The following MEAF6 variants were observed in gnomAD, a reference collection of about 807,000 sequenced individuals.
The protein encoded by MEAF6 is MYST/Esa1 associated factor 6.
In MEAF6, 15 loss-of-function variants were observed where a neutral mutation model predicts 28.9. The observed-to-expected ratio is 0.52, with a 90% CI of 0.35 to 0.80. MEAF6 has a LOEUF of 0.80. Ranked by LOEUF, MEAF6 falls within the 30% of genes least tolerant of loss-of-function variation. The pLI is 0.01. For missense variants in MEAF6, 178 were observed against 237.5 expected, an observed-to-expected ratio of 0.75 and a Z score of 1.65; for synonymous variants, 97 against 88.7, an observed-to-expected ratio of 1.09 and a Z score of -0.53.
At chr1:37,499,011 C>A (rs1038726912) in intron 5 of MEAF6, among the ~76,000 whole-genome samples, 1 of 151,958 alleles carries the variant, frequency 6.6e-6, no homozygotes, top group Non-Finnish European at 1.5e-5. Flanking sequence ...ACTAGCTAGG[C>A]ATGGTGGCAC....
rs1642117619 is a variant in MEAF6 at position 37,495,882 on chromosome 1, T to C, written c.567+3A>G. On this transcript the variant is annotated splice_donor_region_variant and intron_variant, in intron 6 of 6. Coordinates refer to ENST00000296214, the MANE Select transcript of MEAF6 (RefSeq NM_001270875.3). ...TCTCTGAAGTGGTCCGGCTGATACT[T>C]ACAGCTCGTGGTTTTTTGTTTAACT... 6.2e-7 allele frequency: 1 copy of C among 1,614,028 alleles called. No individual in the cohort carries two copies. The highest frequency in any genetic ancestry group is 8.5e-7 in the Non-Finnish European group (1 of 1,179,936).
Position 37,511,504 on chromosome 1 carries a change from A to C in MEAF6, c.206+1919T>G, listed in dbSNP as rs575586444. 2.0e-5 allele frequency among the ~76,000 whole-genome samples: 3 copies of C among 152,364 alleles called. No homozygotes were observed. The South Asian group carries it at 6.2e-4, about 32-fold the overall frequency. ...GTATATTCATAATGTCTCAAAGCATAACATCCAAAATTACTTGTTAATCAC... is the reference window on the plus strand; with the variant it reads ...GTATATTCATAATGTCTCAAAGCATCACATCCAAAATTACTTGTTAATCAC... On this transcript the variant is annotated intron_variant, in intron 2 of 6. Coordinates refer to ENST00000296214, the MANE Select transcript of MEAF6 (RefSeq NM_001270875.3).
chr1:37,494,900 T>G (rs1387020033), intron 6 of MEAF6, among the ~76,000 whole-genome samples: 13 of 151,922 alleles, frequency 8.6e-5, no homozygotes, highest in Admixed American at 3.9e-4. Context: ...CATCTGAAAA[T>G]GGTCTGCCTT....
intron 6 of MEAF6, 140 bp from the exon 7 acceptor site, chr1:37,494,247 G>A (rs1642037470): frequency 8.1e-6 from 6 of 743,904 alleles, no homozygotes; most frequent in Non-Finnish European, 1.4e-5. Context: ...CAGGCACAGT[G>A]GCTCACACCT....
chr1:37,513,711 T>TA (rs1642740104), intron 1 of MEAF6, 173 bp from the exon 2 acceptor site: 6 of 619,412 alleles, frequency 9.7e-6, no homozygotes, highest in South Asian at 9.5e-5. Flanking sequence ...TAAGACAGTC[T>TA]AGACCTTTGG....
Position 37,514,750 on chromosome 1 carries a change from G to A in MEAF6, c.-4C>T. On this transcript the variant is annotated 5_prime_UTR_variant, in exon 1 of 7. Coordinates refer to ENST00000296214, the MANE Select transcript of MEAF6 (RefSeq NM_001270875.3). ...CCGCCTTGTTGTGCATCGCCATGTT[G>A]GGCTGAGGCGGGCGGCGGCGGCGCG... 3 of 1,471,540 alleles carry A rather than the reference G, an allele frequency of 2.0e-6. No homozygotes were observed. Among genetic ancestry groups the A allele is most frequent in the Non-Finnish European group, 2.7e-6 (3 of 1,112,938 alleles). The allele number at this position is 1,471,540 out of a possible 1,614,324, so 91.2% of individuals were successfully genotyped here.
intron 6 of MEAF6, 63 bp downstream of exon 6, chr1:37,495,822 A>G (rs537079193): frequency 6.5e-7 from 1 of 1,532,924 alleles, no homozygotes; most frequent in East Asian, 2.2e-5. Context: ...CTGAAGACAA[A>G]TACATTTTTC....
rs753488206 is a variant in MEAF6, at chr1:37,514,763, C to A, written c.-17G>T. The A allele has an allele frequency of 7.3e-7, 1 of 1,362,836 alleles. No individual in the cohort carries two copies. The highest frequency in any genetic ancestry group is 9.5e-7 in the Non-Finnish European group (1 of 1,048,068). 84.4% of individuals were successfully genotyped at this position (1,362,836 alleles called of 1,614,324 possible). ...CATCGCCATGTTGGGCTGAGGCGGG[C>A]GGCGGCGGCGCGAGGTTGGGGGCGG... On this transcript the variant is annotated 5_prime_UTR_variant, in exon 1 of 7. Coordinates refer to ENST00000296214, the MANE Select transcript of MEAF6 (RefSeq NM_001270875.3).
At chr1:37,502,990 T>G (rs1332213938) in intron 4 of MEAF6, among the ~76,000 whole-genome samples, 1 of 152,140 alleles carries the variant, frequency 6.6e-6, no homozygotes, top group East Asian at 1.9e-4. Flanking sequence ...TAGAGTGCAC[T>G]GGTGTGAACT....
At chr1:37,504,795 T>TTA (rs1307636588) in intron 4 of MEAF6, among the ~76,000 whole-genome samples, 14 of 102,128 alleles carry the variant, frequency 1.4e-4, no homozygotes, top group East Asian at 9.7e-4. Flanking sequence ...AAAAAAAAAT[T>TTA]TATATACACA....
At chr1:37,494,640 G>A (rs1171956349) in intron 6 of MEAF6, among the ~76,000 whole-genome samples, 1 of 151,978 alleles carries the variant, frequency 6.6e-6, no homozygotes, top group African/African-American at 2.4e-5. Flanking sequence ...AGACCAGCCT[G>A]GGTAACAAAT....
chr1:37,513,675 T>TA (rs1642738492), intron 1 of MEAF6, 137 bp from the exon 2 acceptor site: 2 of 706,046 alleles, frequency 2.8e-6, no homozygotes, highest in Admixed American at 4.3e-5. Flanking sequence ...AGATGGAAGA[T>TA]ACGGGGAGGA....
chr1:37,501,959 T>C lies in MEAF6; in HGVS notation c.378A>G (p.Pro126=). 6.2e-7 allele frequency: 1 copy of C among 1,608,828 alleles called. No individual in the cohort carries two copies. The stretch of plus-strand genomic sequence containing the variant: ...GCTCATTTTCCTGATTGTGGAAGTC[T>C]GGAGAAGTGTCACTTTCCGTCCCAC... ...PGSGTESDTS[P]DFHNQENEPS... Residue 126 remains proline (P), a synonymous_variant, in exon 5 of 7, where the codon CCA becomes CCG. Coordinates refer to ENST00000296214, the MANE Select transcript of MEAF6 (RefSeq NM_001270875.3).
Position 37,491,918 on chromosome 1 carries a change from T to TC in MEAF6, c.*2180_*2181insG, listed in dbSNP as rs1422071586. On this transcript the variant is annotated 3_prime_UTR_variant, in exon 7 of 7. Transcript: ENST00000296214. ...TTTAAGAGCAGTACTATTCTTTCTT[T>TC]TTTTTTTTTTTTTTGACAGAGTCTC... Among the ~76,000 whole-genome samples the TC allele has an allele frequency of 2.0e-5, 3 of 148,384 alleles. No homozygotes were observed. Among genetic ancestry groups the TC allele is most frequent in the Admixed American group, 6.7e-5 (1 of 14,930 alleles).
chr1:37,514,760 GGGC>G lies in MEAF6; in HGVS notation c.-17_-15del. On this transcript the variant is annotated 5_prime_UTR_variant, in exon 1 of 7. Transcript: ENST00000296214. ...GTGCATCGCCATGTTGGGCTGAGGCGGGCGGCGGCGGCGCGAGGTTGGGGGCGG... is the reference window on the plus strand; with the variant it reads ...GTGCATCGCCATGTTGGGCTGAGGCGGGCGGCGGCGCGAGGTTGGGGGCGG... The G allele has an allele frequency of 1.7e-5, 24 of 1,443,582 alleles. No homozygotes were observed. Among genetic ancestry groups the G allele is most frequent in the South Asian group, 5.5e-5 (4 of 73,014 alleles). 89.4% of individuals were successfully genotyped at this position (1,443,582 alleles called of 1,614,324 possible). A position where few individuals can be genotyped will look rare whatever the true frequency, so the allele number is the denominator to read the frequency against.
rs1642725441 is a variant in MEAF6 at position 37,513,273 on chromosome 1, G to T, written c.206+150C>A. 4 of 625,280 alleles carry T rather than the reference G, an allele frequency of 6.4e-6. No individual in the cohort carries two copies. In the East Asian group the frequency reaches 1.1e-4, roughly 17 times the overall value. The allele number at this position is 625,280 out of a possible 1,614,324, so 38.7% of individuals were successfully genotyped here. A position where few individuals can be genotyped will look rare whatever the true frequency, so the allele number is the denominator to read the frequency against. On this transcript the variant is annotated intron_variant, in intron 2 of 6. Coordinates refer to ENST00000296214, the MANE Select transcript of MEAF6 (RefSeq NM_001270875.3). ...GCCTTGTCTAAGATTATTCGGTGAG[G>T]CAGTGCCTGAGCCAGAGTCCAAGAG...
Position 37,501,892 on chromosome 1 carries a change from C to T in MEAF6, c.445G>A (p.Gly149Arg), listed in dbSNP as rs1290405491. The change falls in exon 5 of 7, where the codon GGA becomes AGA. Residue 149 changes from glycine (G) to arginine (R), a missense_variant. Gly to Arg is a moderately radical substitution (Grantham distance 125). Coordinates refer to ENST00000296214, the MANE Select transcript of MEAF6 (RefSeq NM_001270875.3). ...DPEDLDGSVQGVKPQKAASST... is the reference protein window; with the variant it reads ...DPEDLDGSVQRVKPQKAASST... ...GAAGCAGCCTTCTGAGGTTTCACTC[C>T]CTGCACAGATCCATCCAGATCCTCA... 6.2e-7 allele frequency: 1 copy of T among 1,611,982 alleles called. No individual in the cohort carries two copies.
At chr1:37,510,066 C>A (rs1158668081) in intron 2 of MEAF6, among the ~76,000 whole-genome samples, 3 of 148,588 alleles carry the variant, frequency 2.0e-5, no homozygotes, top group Middle Eastern at 3.4e-3. Context: ...CATGAGCCAC[C>A]GCGCCCAGAC....
Position 37,491,734 on chromosome 1 carries a change from T to C in MEAF6, c.*2365A>G, listed in dbSNP as rs544196095. On this transcript the variant is annotated 3_prime_UTR_variant, in exon 7 of 7. Coordinates refer to ENST00000296214, the MANE Select transcript of MEAF6 (RefSeq NM_001270875.3). ...AATAAATAAATAAATAAATAAAATA[T>C]ATAAATACTTAAATAATCTTTTTAA... Among the ~76,000 whole-genome samples the C allele has an allele frequency of 7.6e-6, 1 of 132,068 alleles. No individual in the cohort carries two copies. The highest frequency in any genetic ancestry group is 7.9e-5 in the Admixed American group (1 of 12,690). 86.6% of individuals were successfully genotyped at this position (132,068 alleles called of 152,430 possible).
Sources: allele counts gnomAD v4.1 joint callset (sites outside exome capture counted in the v4.1 genomes callset), GRCh38; gene constraint gnomAD v4.1.1; transcripts MANE v1.5; gene names NCBI Gene and HGNC (gene_info 2026-07-23, HGNC 2026-07-21).